The following RIN3 variants were observed in gnomAD, a reference collection of about 807,000 sequenced individuals.
RIN3 encodes RAB5 interacting protein 3.
RIN3 carries 54 observed loss-of-function variants against 76.3 expected under a neutral mutation model. The ratio of observed to expected loss-of-function variants is 0.71; its 90% confidence interval spans 0.57 to 0.89. The LOEUF is 0.89. RIN3 is among the 40% of genes least tolerant of loss of function. The pLI is 0.00. For missense variants in RIN3, 1,256 were observed against 1,322.1 expected (o/e 0.95, Z 0.78); for synonymous variants, 576 against 564.0 (o/e 1.02, Z -0.30).
intron 8 of RIN3, among the ~76,000 whole-genome samples, chr14:92,679,656 C>T (rs1888596199): frequency 6.6e-6 from 1 of 152,102 alleles, no homozygotes; most frequent in Admixed American, 6.5e-5. Context: ...GGTGGTGGTG[C>T]AGAGGTACCT....
chr14:92,685,407 G>C lies in RIN3; in HGVS notation c.2631+257G>C. 1 of 491,016 alleles carries C rather than the reference G, an allele frequency of 2.0e-6. No individual in the cohort carries two copies. Among genetic ancestry groups the C allele is most frequent in the Non-Finnish European group, 3.7e-6 (1 of 269,632 alleles). The allele number at this position is 491,016 out of a possible 1,614,324, so 30.4% of individuals were successfully genotyped here. The stretch of plus-strand genomic sequence containing the variant: ...TGGGCAAGCAGGAAGGGTGCAGGAG[G>C]AATGAGACACACCCATCATTCCTTA... On this transcript the variant is annotated intron_variant, in intron 9 of 9. Coordinates refer to ENST00000216487, the MANE Select transcript of RIN3 (RefSeq NM_024832.5). This position sits in a 1 kb window ranked among gnomAD's most constrained non-coding sequence, Gnocchi z 4.7.
rs1196463130 is a variant in RIN3 at position 92,648,311 on chromosome 14, A to G, written c.533-3271A>G. On this transcript the variant is annotated intron_variant, in intron 5 of 9. Transcript: ENST00000216487. This position sits in a 1 kb window ranked among gnomAD's most constrained non-coding sequence, Gnocchi z 4.1. ...TCCCAGGTACCCAGGCCGAGAGCCTATTTGCCTGAACCCGTGTCTGCTCTG... is the reference window on the plus strand; with the variant it reads ...TCCCAGGTACCCAGGCCGAGAGCCTGTTTGCCTGAACCCGTGTCTGCTCTG... 1.3e-5 allele frequency among the ~76,000 whole-genome samples: 2 copies of G among 152,076 alleles called. No homozygotes were observed. Among genetic ancestry groups the G allele is most frequent in the Non-Finnish European group, 2.9e-5 (2 of 68,024 alleles).
intron 3 of RIN3, among the ~76,000 whole-genome samples, chr14:92,600,156 A>G (rs1885293439): frequency 6.6e-6 from 1 of 152,270 alleles, no homozygotes; most frequent in Non-Finnish European, 1.5e-5. Flanking sequence ...GATGAGGAAG[A>G]TGCAGATCAG....
intron 2 of RIN3, among the ~76,000 whole-genome samples, chr14:92,561,992 T>C (rs1413295534): frequency 1.3e-5 from 2 of 152,220 alleles, no homozygotes; most frequent in Non-Finnish European, 2.9e-5. Flanking sequence ...GGTCAGCTTT[T>C]ACCTAGCGTC....
chr14:92,626,784 T>A (rs749890438), intron 4 of RIN3, among the ~76,000 whole-genome samples: 2 of 152,084 alleles, frequency 1.3e-5, no homozygotes, highest in Non-Finnish European at 2.9e-5. Flanking sequence ...TTTAGAGGGT[T>A]CCAGGAGTTG....
chr14:92,561,370 T>TC (rs11463838), intron 2 of RIN3, among the ~76,000 whole-genome samples: 83,017 of 150,352 alleles, frequency 0.55, 23,323 homozygotes, highest in East Asian at 0.79. Flanking sequence ...ACTATCCACC[T>TC]CCCTCCCTGC....
intron 4 of RIN3, among the ~76,000 whole-genome samples, chr14:92,633,564 C>T (rs1021771037): frequency 1.3e-5 from 2 of 152,180 alleles, no homozygotes; most frequent in Non-Finnish European, 2.9e-5. Context: ...CCTGAGACAA[C>T]TGCATCTGAA....
At chr14:92,593,087 G>A (rs1885041972) in intron 3 of RIN3, among the ~76,000 whole-genome samples, 1 of 152,088 alleles carries the variant, frequency 6.6e-6, no homozygotes. Flanking sequence ...AAGCAGTATA[G>A]CGTTATTTGA....
At chr14:92,526,664 A>G (rs940201153) in intron 1 of RIN3, among the ~76,000 whole-genome samples, 7 of 151,444 alleles carry the variant, frequency 4.6e-5, no homozygotes, top group Non-Finnish European at 1.0e-4. Context: ...GAGGCAGGAA[A>G]ATCGCTTGAA....
Position 92,611,135 on chromosome 14 carries a change from C to T in RIN3, c.368-4272C>T, listed in dbSNP as rs117740395. On this transcript the variant is annotated intron_variant, in intron 3 of 9. Transcript: ENST00000216487. ...CAGGCTTGGTTCCTTCTGGAGACTG[C>T]GGAAGCATCTGTTCCATGCCTCCCT... 1.2e-3 allele frequency among the ~76,000 whole-genome samples: 188 copies of T among 152,258 alleles called. 3 individuals are homozygous for T. In the East Asian group the frequency reaches 0.033, roughly 27 times the overall value.
intron 4 of RIN3, among the ~76,000 whole-genome samples, chr14:92,636,232 GA>G (rs1228556815): frequency 2.0e-5 from 3 of 152,142 alleles, no homozygotes; most frequent in Admixed American, 2.0e-4. Context: ...AAGACAGAAA[GA>G]AAGAGAGAGG....
chr14:92,581,410 A>G (rs1898433112), intron 3 of RIN3, among the ~76,000 whole-genome samples: 1 of 152,208 alleles, frequency 6.6e-6, no homozygotes, highest in African/African-American at 2.4e-5. Flanking sequence ...GAATTTCCAC[A>G]GCAACATTGG....
At chr14:92,598,429 C>T (rs1242156849) in intron 3 of RIN3, among the ~76,000 whole-genome samples, 1 of 152,250 alleles carries the variant, frequency 6.6e-6, no homozygotes, top group Non-Finnish European at 1.5e-5. Flanking sequence ...TTGCCAAATT[C>T]CTGACCCACA....
chr14:92,661,723 T>TCACACACACACACACACACACACA (rs778646491), intron 7 of RIN3, among the ~76,000 whole-genome samples: 1 of 134,878 alleles, frequency 7.4e-6, no homozygotes, highest in African/African-American at 2.9e-5. Context: ...TGAGACTCTG[T>TCACACACACACACACACACACACA]CACACACACA....
chr14:92,528,396 C>T (rs1896801970), intron 1 of RIN3, among the ~76,000 whole-genome samples: 1 of 152,208 alleles, frequency 6.6e-6, no homozygotes, highest in Non-Finnish European at 1.5e-5. Flanking sequence ...GCCTCAGTTT[C>T]CTTATCTGTA....
chr14:92,585,600 T>C (rs1319344978), intron 3 of RIN3, among the ~76,000 whole-genome samples: 1 of 152,172 alleles, frequency 6.6e-6, no homozygotes, highest in East Asian at 1.9e-4. Context: ...CAAGAAGCAA[T>C]CCTACCTGAG....
chr14:92,657,078 G>C (rs905280345), intron 6 of RIN3, among the ~76,000 whole-genome samples: 1 of 152,230 alleles, frequency 6.6e-6, no homozygotes, highest in African/African-American at 2.4e-5. Flanking sequence ...GCCAGACAGG[G>C]CGGGGTGTGG....
chr14:92,664,293 G>A (rs1158449772), intron 7 of RIN3, among the ~76,000 whole-genome samples: 2 of 151,748 alleles, frequency 1.3e-5, no homozygotes, highest in African/African-American at 2.4e-5. Flanking sequence ...AATGGAAACA[G>A]GACACCTGCA....
intron 7 of RIN3, among the ~76,000 whole-genome samples, chr14:92,672,660 ATGTGTGTGTGTG>A (rs57611104): frequency 2.0e-5 from 3 of 148,396 alleles, no homozygotes; most frequent in Admixed American, 1.3e-4. Flanking sequence ...ATGTGTGTGC[ATGTGTGTGTGTG>A]TGTGTGTGTG....
Sources: gnomAD v4.1 joint callset for allele counts (sites outside exome capture counted in the v4.1 genomes callset) on GRCh38, gnomAD v4.1.1 for gene constraint, Gnocchi (gnomAD v3.1) non-coding constraint, MANE v1.5 for transcripts, NCBI Gene and HGNC (gene_info 2026-07-23, HGNC 2026-07-21) for gene names.